The following NCSTN variants were observed in gnomAD, a reference collection of about 807,000 sequenced individuals.
The protein encoded by NCSTN is anterior pharynx-defective 2.
A neutral mutation model predicts 87.0 loss-of-function variants in NCSTN; 22 were observed. The ratio of observed to expected loss-of-function variants is 0.25; its 90% CI spans 0.18 to 0.36. The LOEUF is 0.36. NCSTN is among the 10% of genes least tolerant of loss of function. The pLI is 1.00. For synonymous variants in NCSTN, 306 were observed against 327.1 expected (o/e 0.94, Z 0.69); for missense variants, 693 against 883.3 (o/e 0.78, Z 2.73).
At chr1:160,355,350 G>A (rs1235449770) in intron 11 of NCSTN, among the ~76,000 whole-genome samples, 1 of 152,106 alleles carries the variant, frequency 6.6e-6, no homozygotes, top group Non-Finnish European at 1.5e-5. Flanking sequence ...AATCATCTTA[G>A]CCATCCCCCA....
intron 8 of NCSTN, 88 bp downstream of exon 8, chr1:160,352,294 A>G: frequency 6.5e-7 from 1 of 1,534,792 alleles, no homozygotes; most frequent in Non-Finnish European, 9.0e-7. Flanking sequence ...AGACCTCAGC[A>G]CTTGACCTAA....
intron 16 of NCSTN, 132 bp downstream of exon 16, chr1:160,357,385 G>C: frequency 1.0e-6 from 1 of 967,700 alleles, no homozygotes; most frequent in Admixed American, 2.0e-5. Context: ...ATCTGTCCCT[G>C]GTCAGCCAGC....
rs536779089 is a variant in NCSTN at position 160,343,546 on chromosome 1, C to T, written c.85+65C>T. 115 of 1,433,054 alleles carry T rather than the reference C, an allele frequency of 8.0e-5. No individual in the cohort carries two copies. In the East Asian group the frequency reaches 2.4e-3, roughly 30 times the overall value. The allele number at this position is 1,433,054 out of a possible 1,614,324, so 88.8% of individuals were successfully genotyped here. A position where few individuals can be genotyped will look rare whatever the true frequency, so the allele number is the denominator to read the frequency against. On this transcript the variant is annotated intron_variant, in intron 1 of 16. Transcript: ENST00000294785. Reference sequence around the variant, plus strand: ...AACTCTCGGATCGGCCCCGCCGCGACCGCCACTGTCTCCCTTCTGGTTCCT... The same window carrying T: ...AACTCTCGGATCGGCCCCGCCGCGATCGCCACTGTCTCCCTTCTGGTTCCT...
chr1:160,343,787 C>A (rs1648264241), intron 1 of NCSTN: 1 of 632,470 alleles, frequency 1.6e-6, no homozygotes. Flanking sequence ...ACCCACCCCA[C>A]AGTCGAAAGG....
intron 1 of NCSTN, chr1:160,344,334 T>A: frequency 1.3e-6 from 1 of 783,234 alleles, no homozygotes; most frequent in South Asian, 2.0e-5. Flanking sequence ...TCAGAAAGTT[T>A]TCTTAGCCCA....
At chr1:160,351,089 G>A in intron 5 of NCSTN, 133 bp from the exon 6 acceptor site, 1 of 913,386 alleles carries the variant, frequency 1.1e-6, no homozygotes. Context: ...GATAACTATA[G>A]CTCAGGGATA....
intron 3 of NCSTN, 41 bp downstream of exon 3, chr1:160,349,163 G>C: frequency 6.2e-7 from 1 of 1,612,576 alleles, no homozygotes; most frequent in Non-Finnish European, 8.5e-7. Context: ...ATCCATAGAG[G>C]GAAAGTTTCA....
chr1:160,346,962 G>T (rs1648528591), intron 2 of NCSTN, among the ~76,000 whole-genome samples: 1 of 152,234 alleles, frequency 6.6e-6, no homozygotes, highest in Admixed American at 6.5e-5. Context: ...TCCAGGGTGG[G>T]CTGAGATCAG....
chr1:160,345,342 G>A (rs1434310540), intron 2 of NCSTN, among the ~76,000 whole-genome samples: 2 of 151,940 alleles, frequency 1.3e-5, no homozygotes, highest in African/African-American at 4.8e-5. Flanking sequence ...ACATGCACCT[G>A]CCACCATGCC....
chr1:160,355,564 T>TACTG, intron 11 of NCSTN, 91 bp from the exon 12 acceptor site: 1 of 905,802 alleles, frequency 1.1e-6, no homozygotes, highest in Non-Finnish European at 1.8e-6. Flanking sequence ...GAAAATGAGA[T>TACTG]ACTGAGTCCC....
chr1:160,357,789 A>G (rs935306071), intron 16 of NCSTN, among the ~76,000 whole-genome samples: 2 of 151,718 alleles, frequency 1.3e-5, no homozygotes, highest in Admixed American at 1.3e-4. Context: ...CACAGCTTCA[A>G]CTCCCGGCTG....
chr1:160,358,142 C>T lies in NCSTN; in HGVS notation c.2008-7C>T, dbSNP rs201887260. 3.1e-6 allele frequency: 5 copies of T among 1,614,012 alleles called. No individual in the cohort carries two copies. The highest frequency in any genetic ancestry group is 2.2e-5 in the South Asian group (2 of 91,084). ...TTTGTCCTTTCCTGCCCTCCCTCCC[C>T]CTGCAGTTGATCACCCTGACAGTGG... On this transcript the variant is annotated splice_region_variant and splice_polypyrimidine_tract_variant and intron_variant, in intron 16 of 16. Coordinates refer to ENST00000294785, the MANE Select transcript of NCSTN (RefSeq NM_015331.3).
chr1:160,355,659 T>C lies in NCSTN; in HGVS notation c.1357T>C (p.Tyr453His). ...TCATGCCGGCTTTCCTGGCAGATAT[T>C]ACCAGAGTATTTACGACACTGCTGA... ...DHSGAFHNKYYQSIYDTAENI... is the reference protein window; with the variant it reads ...DHSGAFHNKYHQSIYDTAENI... Residue 453 changes from tyrosine (Y) to histidine (H), a missense_variant, in exon 12 of 17, where the codon TAC (tyrosine) becomes CAC (histidine). This residue lies in a region of NCSTN where 108 missense variants were observed against 111.6 expected (regional missense o/e 0.97). Transcript: ENST00000294785. 6.2e-7 allele frequency: 1 copy of C among 1,613,346 alleles called. No homozygotes were observed. Among genetic ancestry groups the C allele is most frequent in the Non-Finnish European group, 8.5e-7 (1 of 1,179,238 alleles).
chr1:160,356,436 T>C, intron 14 of NCSTN, 89 bp downstream of exon 14: 1 of 1,446,398 alleles, frequency 6.9e-7, no homozygotes, highest in South Asian at 1.2e-5. Context: ...TTTTTTTTCT[T>C]TTTCCTCTCT....
In NCSTN at chr1:160,352,141, G is replaced by A; in HGVS notation, c.931G>A (p.Ala311Thr). ...SFVTQLAAAE[A>T]LQKAPDVTTL... ...TGTCACCCAGCTGGCTGCTGCTGAAGCTTTGCAAAAGGCACCTGATGTGAC... is the reference window on the plus strand; with the variant it reads ...TGTCACCCAGCTGGCTGCTGCTGAAACTTTGCAAAAGGCACCTGATGTGAC... The change falls in exon 8 of 17, where the codon GCT becomes ACT. Residue 311 changes from alanine to threonine, a missense_variant. Physicochemically the swap from Ala to Thr is moderately conservative, Grantham distance 58 (BLOSUM62 0). Coordinates refer to ENST00000294785, the MANE Select transcript of NCSTN (RefSeq NM_015331.3). 1 of 1,614,250 alleles carries A rather than the reference G, an allele frequency of 6.2e-7. No individual in the cohort carries two copies. The highest frequency in any genetic ancestry group is 1.1e-5 in the South Asian group (1 of 91,088).
At chr1:160,349,498 G>A in intron 3 of NCSTN, 51 bp from the exon 4 acceptor site, 1 of 1,612,800 alleles carries the variant, frequency 6.2e-7, no homozygotes, top group Non-Finnish European at 8.5e-7. Context: ...AGAATGTCAG[G>A]CTGTCTGATA....
rs781579904 is a variant in NCSTN, at chr1:160,358,230, C to T, written c.2089C>T (p.Leu697Phe). The part of the protein sequence containing the change: ...TYCINAKADV[L>F]FIAPREPGAV... ...CTGCATCAATGCCAAAGCTGATGTC[C>T]TTTTCATTGCTCCCCGGGAGCCAGG... The change falls in exon 17 of 17, where the codon CTT (leucine) becomes TTT (phenylalanine). Residue 697 changes from leucine (L) to phenylalanine (F), a missense_variant. Leu to Phe is a conservative substitution (Grantham distance 22). Around this residue, in one of 4 missense-constraint regions of NCSTN, gnomAD observed 216 missense variants for 311.7 expected, o/e 0.69. Transcript: ENST00000294785. The T allele has an allele frequency of 6.2e-7, 1 of 1,614,138 alleles. No homozygotes were observed. Among genetic ancestry groups the T allele is most frequent in the Non-Finnish European group, 8.5e-7 (1 of 1,180,022 alleles).
At chr1:160,343,729 C>T in intron 1 of NCSTN, 1 of 697,378 alleles carries the variant, frequency 1.4e-6, no homozygotes, top group African/African-American at 1.8e-5. Flanking sequence ...TCGAGCCTGA[C>T]CCTCTCCCAC....
rs769274941 is a variant in NCSTN at position 160,357,046 on chromosome 1, T to C, written c.1800T>C (p.Tyr600=). ...SKVPSENKDL[Y]EYSWVQGPLH... Reference sequence around the variant, plus strand: ...GTGGCGCATCTTCTGTGCAGCTGTATGAGTACTCATGGGTCCAGGGCCCTT... The same window carrying C: ...GTGGCGCATCTTCTGTGCAGCTGTACGAGTACTCATGGGTCCAGGGCCCTT... Residue 600 remains tyrosine (Y), a synonymous_variant, in exon 16 of 17, where the codon TAT becomes TAC. Transcript: ENST00000294785. The C allele has an allele frequency of 2.5e-6, 4 of 1,613,412 alleles. No individual in the cohort carries two copies. The East Asian group carries it at 8.9e-5, about 36-fold the overall frequency.
Sources: gnomAD v4.1 joint callset for allele counts (sites outside exome capture counted in the v4.1 genomes callset) on GRCh38, gnomAD v4.1.1 for gene constraint, gnomAD v4.1.1 regional missense constraint, MANE v1.5 for transcripts, NCBI Gene and HGNC (gene_info 2026-07-23, HGNC 2026-07-21) for gene names.